Variants in MEGF6 observed in about 807,000 individuals in gnomAD.
MEGF6 encodes multiple epidermal growth factor-like domains protein 6.
Under a neutral mutation model 207.1 loss-of-function variants are expected in MEGF6, and 184 were observed. That is an observed-to-expected ratio of 0.89 (90% CI 0.79 to 1.00). MEGF6 has a LOEUF of 1.00. Ranked by LOEUF, MEGF6 falls within the 50% of genes least tolerant of loss-of-function variation. The pLI is 0.00. For missense variants in MEGF6, 2,282 were observed against 2,202.9 expected, an observed-to-expected ratio of 1.04 and a Z score of -0.72; for synonymous variants, 1,038 against 910.0, an observed-to-expected ratio of 1.14 and a Z score of -2.53.
In MEGF6 at chr1:3,500,735, A is replaced by G. The variant is rs1198630976; in HGVS notation, c.2605T>C (p.Cys869Arg). ...ACDTGHWGPD[C>R]SHPCNCSAGH... The stretch of plus-strand genomic sequence containing the variant: ...GCGCTGCAGTTGCAGGGGTGGCTGC[A>G]GTCAGGTCCCCAGTGCCCAGTATCA... The change falls in exon 21 of 37, where the codon TGC becomes CGC. Residue 869 changes from cysteine (C) to arginine (R), a missense_variant. Coordinates refer to ENST00000356575, the MANE Select transcript of MEGF6 (RefSeq NM_001409.4). 1 of 1,602,044 alleles carries G rather than the reference A, an allele frequency of 6.2e-7. No individual in the cohort carries two copies. The highest frequency in any genetic ancestry group is 8.5e-7 in the Non-Finnish European group (1 of 1,174,842).
Position 3,507,785 on chromosome 1 carries a change from C to T in MEGF6, c.1789+10G>A. 6.2e-7 allele frequency: 1 copy of T among 1,612,738 alleles called. No homozygotes were observed. Among genetic ancestry groups the T allele is most frequent in the Non-Finnish European group, 8.5e-7 (1 of 1,179,848 alleles). On this transcript the variant is annotated intron_variant, in intron 14 of 36. Coordinates refer to ENST00000356575, the MANE Select transcript of MEGF6 (RefSeq NM_001409.4). ...GTAATTCCAGAAGCACCAGAAGAGG[C>T]TGCACGCACCATCCTCACAGTTAGT... is the stretch of plus-strand genomic sequence containing the variant.
At chr1:3,564,768 C>T (rs78517021) in intron 4 of MEGF6, among the ~76,000 whole-genome samples, 2,499 of 152,304 alleles carry the variant, frequency 0.016, 75 homozygotes, top group African/African-American at 0.056. Context: ...CCACTCTGCA[C>T]CAGGCTCCCC....
In MEGF6 at chr1:3,515,487, G is replaced by A; in HGVS notation, c.645C>T (p.His215=). Residue 215 remains histidine (H), a synonymous_variant, in exon 6 of 37, where the codon CAC becomes CAT. Coordinates refer to ENST00000356575, the MANE Select transcript of MEGF6 (RefSeq NM_001409.4). The part of the protein sequence containing the change: ...SCALGNGGCQ[H]HCVQLTITRH... ...GAGTGATTGTGAGCTGGACACAGTG[G>A]TGCTGGCAGCCGCCATTGCCCAGGG... 8 of 1,612,706 alleles carry A rather than the reference G, an allele frequency of 5.0e-6. No individual in the cohort carries two copies. In the South Asian group the frequency reaches 5.5e-5, roughly 11 times the overall value.
At chr1:3,616,583 G>T in the MEGF6 span, among the ~76,000 whole-genome samples, 433 of 151,822 alleles carry the variant, frequency 2.9e-3, 2 homozygotes, top group African/African-American at 0.01. Context: ...GAGGCCGGGG[G>T]TGAGAGACGG....
chr1:3,597,056 C>A (rs138823181), intron 2 of MEGF6, among the ~76,000 whole-genome samples: 3 of 152,318 alleles, frequency 2.0e-5, no homozygotes, highest in Non-Finnish European at 2.9e-5. Flanking sequence ...GGTCGGCCCG[C>A]GGACCCCGCA....
intron 24 of MEGF6, 91 bp from the exon 25 acceptor site, chr1:3,498,917 G>A (rs1640732377): frequency 6.7e-7 from 1 of 1,500,508 alleles, no homozygotes; most frequent in African/African-American, 1.4e-5. Flanking sequence ...TTGGACTTTG[G>A]GGTCAGGCAC....
In MEGF6 at chr1:3,505,205, C is replaced by T. The variant is rs1641056677; in HGVS notation, c.2188+3G>A. On this transcript the variant is annotated splice_donor_region_variant and intron_variant, in intron 17 of 36. Coordinates refer to ENST00000356575, the MANE Select transcript of MEGF6 (RefSeq NM_001409.4). ...CCGGGAGCCCCAGGGGCCGGCCACT[C>T]ACCTTGGCCACAGTCCTCTCCCTGG... is the stretch of plus-strand genomic sequence containing the variant. 2 of 1,611,452 alleles carry T rather than the reference C, an allele frequency of 1.2e-6. No individual in the cohort carries two copies. The highest frequency in any genetic ancestry group is 1.7e-6 in the Non-Finnish European group (2 of 1,179,728).
At chr1:3,532,528 C>T (rs780932196) in intron 4 of MEGF6, among the ~76,000 whole-genome samples, 12 of 152,342 alleles carry the variant, frequency 7.9e-5, no homozygotes, top group South Asian at 2.1e-4. Flanking sequence ...ACACTGTTCC[C>T]GGCCTTTCCA....
chr1:3,587,200 C>T (rs1033488169), intron 3 of MEGF6, among the ~76,000 whole-genome samples: 5 of 152,230 alleles, frequency 3.3e-5, no homozygotes, highest in South Asian at 2.1e-4. Flanking sequence ...AGCACACTCT[C>T]CACTCTCAGG....
intron 4 of MEGF6, among the ~76,000 whole-genome samples, chr1:3,554,987 G>C (rs1399504974): frequency 6.6e-6 from 1 of 152,194 alleles, no homozygotes; most frequent in Admixed American, 6.5e-5. Context: ...GCAGGGGAGT[G>C]GGACAAGGGC....
chr1:3,531,199 C>G, intron 4 of MEGF6: 1 of 1,510,770 alleles, frequency 6.6e-7, no homozygotes, highest in Non-Finnish European at 8.8e-7. Context: ...CCCCAGGAGC[C>G]CAAGGCACCA....
chr1:3,538,546 C>G (rs1447629061), intron 4 of MEGF6, among the ~76,000 whole-genome samples: 1 of 152,206 alleles, frequency 6.6e-6, no homozygotes, highest in Non-Finnish European at 1.5e-5. Context: ...GCCCCCTTCT[C>G]TTGTACACAC....
At chr1:3,588,379 G>A (rs1390009652) in intron 3 of MEGF6, among the ~76,000 whole-genome samples, 2 of 27,102 alleles carry the variant, frequency 7.4e-5, no homozygotes, top group South Asian at 3.6e-3. Flanking sequence ...GGAGTGGCCA[G>A]GAGGGGGCAG....
chr1:3,621,563 T>C, the MEGF6 span, among the ~76,000 whole-genome samples: 1 of 152,244 alleles, frequency 6.6e-6, no homozygotes, highest in East Asian at 1.9e-4. Context: ...ATAACTCTTG[T>C]TATTTTATAT....
In MEGF6 at chr1:3,560,637, G is replaced by C. The variant is rs867396721; in HGVS notation, c.481+19188C>G. ...AGGCAGGGAAAGGCTCTGGGGATCC[G>C]GGGTCCCTTCCCAGGCTTGGGGGAG... On this transcript the variant is annotated intron_variant, in intron 4 of 36. Transcript: ENST00000356575. The surrounding 1 kb of genome is among the most constrained non-coding windows in gnomAD (Gnocchi z 4.0). 5 of 432,726 alleles carry C rather than the reference G, an allele frequency of 1.2e-5. No homozygotes were observed. In the Admixed American group the frequency reaches 1.3e-4, roughly 12 times the overall value. The allele number at this position is 432,726 out of a possible 1,614,324, so 26.8% of individuals were successfully genotyped here.
intron 1 of MEGF6, among the ~76,000 whole-genome samples, chr1:3,604,099 C>T (rs968247152): frequency 1.3e-5 from 2 of 152,234 alleles, no homozygotes; most frequent in Non-Finnish European, 2.9e-5. Flanking sequence ...TCCAGCTGCC[C>T]ACCCACGAAG....
At position 3,511,697 on chromosome 1, in the gene MEGF6, G is replaced by C. The variant is rs376944360; in HGVS notation, c.977-10C>G. On this transcript the variant is annotated splice_polypyrimidine_tract_variant and intron_variant, in intron 8 of 36. Coordinates refer to ENST00000356575, the MANE Select transcript of MEGF6 (RefSeq NM_001409.4). ...ATTTCCATCTCAATCCCTGCCGTGA[G>C]ACCAGCCACCCAGGGTATGGGATGG... 7.0e-5 allele frequency: 112 copies of C among 1,599,780 alleles called. No homozygotes were observed. Among genetic ancestry groups the C allele is most frequent in the Non-Finnish European group, 9.0e-5 (105 of 1,169,518 alleles).
chr1:3,622,408 GTGTAAC>G, the MEGF6 span, among the ~76,000 whole-genome samples: 1 of 152,220 alleles, frequency 6.6e-6, no homozygotes, highest in Non-Finnish European at 1.5e-5. Context: ...CCCCAGTCAT[GTGTAAC>G]TGTGAGTCAA....
At chr1:3,610,109 C>T (rs958401174) in intron 1 of MEGF6, among the ~76,000 whole-genome samples, 5 of 152,270 alleles carry the variant, frequency 3.3e-5, no homozygotes, top group Admixed American at 6.5e-5. Context: ...GTTCACACTG[C>T]GGATGCCAAG....
Sources: gnomAD v4.1 joint callset for allele counts (sites outside exome capture counted in the v4.1 genomes callset) on GRCh38, gnomAD v4.1.1 for gene constraint, Gnocchi (gnomAD v3.1) non-coding constraint, MANE v1.5 for transcripts, NCBI Gene and HGNC (gene_info 2026-07-23, HGNC 2026-07-21) for gene names.